The following ATP6V1G1 variants were observed in gnomAD, a reference collection of about 807,000 sequenced individuals.
ATP6V1G1 encodes ATPase H+ transporting V1 subunit G1.
In ATP6V1G1, 14 loss-of-function variants were observed where a neutral mutation model predicts 14.2. The observed-to-expected ratio is 0.99, with a 90% CI of 0.65 to 1.55. The LOEUF is 1.55. Among genes scored for constraint, ATP6V1G1 ranks in the 40% most tolerant of loss-of-function variants. The probability of loss-of-function intolerance (pLI) is 0.00; values close to 1 mark genes in which losing one functional copy is unlikely to be tolerated. For missense variants in ATP6V1G1, 137 were observed against 146.4 expected (o/e 0.94, Z 0.33); for synonymous variants, 65 against 53.3 (o/e 1.22, Z -0.96).
intron 2 of ATP6V1G1, among the ~76,000 whole-genome samples, chr9:114,593,722 C>T (rs967359567): frequency 6.6e-6 from 1 of 151,884 alleles, no homozygotes; most frequent in Non-Finnish European, 1.5e-5. Flanking sequence ...TGGTCTCGAA[C>T]TCCTGGCCTC....
intron 2 of ATP6V1G1, among the ~76,000 whole-genome samples, chr9:114,594,322 G>A (rs1845213312): frequency 1.3e-5 from 2 of 151,646 alleles, no homozygotes; most frequent in South Asian, 2.1e-4. Context: ...GCCTGCCCCG[G>A]CCTCCCAGAG....
intron 2 of ATP6V1G1, among the ~76,000 whole-genome samples, chr9:114,594,359 G>A (rs1432004228): frequency 2.0e-5 from 3 of 149,754 alleles, no homozygotes; most frequent in Non-Finnish European, 3.0e-5. Flanking sequence ...GTGAGCCACC[G>A]CGCCCAGCGC....
intron 1 of ATP6V1G1, chr9:114,588,221 T>G (rs1397596156): frequency 2.5e-6 from 1 of 395,274 alleles, no homozygotes; most frequent in African/African-American, 2.1e-5. Context: ...TCTCTCCCAC[T>G]TAACCGCTCT....
intron 1 of ATP6V1G1, among the ~76,000 whole-genome samples, chr9:114,590,320 C>T (rs1205838627): frequency 6.8e-6 from 1 of 148,092 alleles, no homozygotes; most frequent in Admixed American, 6.8e-5. Flanking sequence ...AGTGCAGTGG[C>T]ACCATCTTGG....
chr9:114,592,710 G>A, intron 2 of ATP6V1G1, 58 bp downstream of exon 2: 2 of 1,519,986 alleles, frequency 1.3e-6, no homozygotes, highest in Non-Finnish European at 8.9e-7. Context: ...TCCCGCCAAG[G>A]CTTTCAGAAT....
At position 114,597,680 on chromosome 9, in the gene ATP6V1G1, C is replaced by T; in HGVS notation, c.294C>T (p.Asn98=). The T allele has an allele frequency of 6.3e-7, 1 of 1,594,226 alleles. No individual in the cohort carries two copies. Among genetic ancestry groups the T allele is most frequent in the Non-Finnish European group, 8.5e-7 (1 of 1,172,668 alleles). The change falls in exon 3 of 3, where the codon AAC becomes AAT. Residue 98 remains asparagine, a synonymous_variant. Coordinates refer to ENST00000374050, the MANE Select transcript of ATP6V1G1 (RefSeq NM_004888.4). ...FRQNRDEVLD[N]LLAFVCDIRP... ...AGAACAGGGATGAAGTCTTGGACAA[C>T]CTCTTGGCTTTTGTCTGTGACATTC...
intron 1 of ATP6V1G1, among the ~76,000 whole-genome samples, chr9:114,590,180 CAG>C (rs905249209): frequency 1.5e-5 from 2 of 129,936 alleles, no homozygotes; most frequent in Non-Finnish European, 3.2e-5. Flanking sequence ...GCCTTGGGGA[CAG>C]AGGGAGACGC....
At chr9:114,591,630 C>T (rs1465149174) in intron 1 of ATP6V1G1, among the ~76,000 whole-genome samples, 1 of 152,168 alleles carries the variant, frequency 6.6e-6, no homozygotes, top group African/African-American at 2.4e-5. Flanking sequence ...CATTTCATTA[C>T]AGGTCCAAAG....
At chr9:114,594,379 CTTT>C (rs770844786) in intron 2 of ATP6V1G1, among the ~76,000 whole-genome samples, 4 of 140,766 alleles carry the variant, frequency 2.8e-5, no homozygotes, top group African/African-American at 2.6e-5. Flanking sequence ...CCCCCCGCCC[CTTT>C]TTTTTTTTTT....
rs758062356 is a variant in ATP6V1G1 at position 114,597,614 on chromosome 9, G to T, written c.228G>T (p.Glu76Asp). The T allele has an allele frequency of 1.3e-6, 2 of 1,567,258 alleles. No individual in the cohort carries two copies. The highest frequency in any genetic ancestry group is 1.7e-6 in the Non-Finnish European group (2 of 1,158,620). Reference protein sequence around the residue: ...RGSCSTEVEKETQEKMTILQT... With the variant: ...RGSCSTEVEKDTQEKMTILQT... ...GTTGCAGCACTGAAGTGGAGAAGGA[G>T]ACCCAGGAGAAGATGACCATCCTCC... The change falls in exon 3 of 3, where the codon GAG (glutamate) becomes GAT (aspartate). Residue 76 changes from glutamate (E) to aspartate (D), a missense_variant. By Grantham distance (45) the Glu-to-Asp change is conservative. Transcript: ENST00000374050.
Position 114,587,853 on chromosome 9 carries a change from T to G in ATP6V1G1, c.15T>G (p.Ser5=). The G allele has an allele frequency of 6.3e-7, 1 of 1,593,270 alleles. No homozygotes were observed. The highest frequency in any genetic ancestry group is 8.5e-7 in the Non-Finnish European group (1 of 1,170,420). ...TCGCTGCCGCCATGGCTAGTCAGTC[T>G]CAGGGGATTCAGCAGCTGCTGCAGG... MASQ[S]QGIQQLLQAE... is the part of the protein sequence containing the mutation. Residue 5 remains serine, a synonymous_variant, in exon 1 of 3, where the codon TCT becomes TCG. Coordinates refer to ENST00000374050, the MANE Select transcript of ATP6V1G1 (RefSeq NM_004888.4).
intron 1 of ATP6V1G1, among the ~76,000 whole-genome samples, chr9:114,591,377 G>C (rs1261735673): frequency 6.6e-6 from 1 of 152,144 alleles, no homozygotes; most frequent in Non-Finnish European, 1.5e-5. Flanking sequence ...TAATGTTCAG[G>C]CCATGAGTGT....
At chr9:114,589,132 C>T (rs187828079) in intron 1 of ATP6V1G1, among the ~76,000 whole-genome samples, 2 of 152,314 alleles carry the variant, frequency 1.3e-5, no homozygotes, top group East Asian at 3.9e-4. Flanking sequence ...CACTTCTTCC[C>T]GGGAAGCCTT....
At chr9:114,592,360 C>G (rs971019315) in intron 1 of ATP6V1G1, among the ~76,000 whole-genome samples, 192 bp from the exon 2 acceptor site, 1 of 152,088 alleles carries the variant, frequency 6.6e-6, no homozygotes, top group African/African-American at 2.4e-5. Flanking sequence ...TTGTCACTTC[C>G]TAGTTAAGTA....
Position 114,598,687 on chromosome 9 carries a change from G to A in ATP6V1G1, c.*944G>A, listed in dbSNP as rs1449019396. On this transcript the variant is annotated 3_prime_UTR_variant, in exon 3 of 3. Coordinates refer to ENST00000374050, the MANE Select transcript of ATP6V1G1 (RefSeq NM_004888.4). The stretch of plus-strand genomic sequence containing the variant: ...TATTAAGCATATTTCCTTCCTGGTG[G>A]GCTAGATGATGTGCATTATACCTGT... Among the ~76,000 whole-genome samples the A allele has an allele frequency of 6.6e-6, 1 of 152,058 alleles. No individual in the cohort carries two copies. The highest frequency in any genetic ancestry group is 1.5e-5 in the Non-Finnish European group (1 of 68,030).
At chr9:114,595,585 T>G (rs1333744355) in intron 2 of ATP6V1G1, among the ~76,000 whole-genome samples, 5 of 151,960 alleles carry the variant, frequency 3.3e-5, no homozygotes, top group Non-Finnish European at 1.5e-5. Context: ...GCCCAGGAGG[T>G]GGAGATTGCA....
At chr9:114,594,471 C>T (rs1361852804) in intron 2 of ATP6V1G1, among the ~76,000 whole-genome samples, 2 of 152,002 alleles carry the variant, frequency 1.3e-5, no homozygotes, top group East Asian at 3.9e-4. Flanking sequence ...ACGACCTCCA[C>T]CTCCCAGGTT....
At chr9:114,590,090 T>C (rs1845167450) in intron 1 of ATP6V1G1, among the ~76,000 whole-genome samples, 1 of 150,006 alleles carries the variant, frequency 6.7e-6, no homozygotes, top group African/African-American at 2.5e-5. Context: ...CCCAGCTACT[T>C]GGGAGGCTGA....
In ATP6V1G1 at chr9:114,598,079, A is replaced by G. The variant is rs770712614; in HGVS notation, c.*336A>G. 1.3e-4 allele frequency: 20 copies of G among 158,598 alleles called. No homozygotes were observed. Among genetic ancestry groups the G allele is most frequent in the Admixed American group, 3.9e-4 (6 of 15,400 alleles). 9.8% of individuals were successfully genotyped at this position (158,598 alleles called of 1,614,324 possible). A position where few individuals can be genotyped will look rare whatever the true frequency, so the allele number is the denominator to read the frequency against. On this transcript the variant is annotated 3_prime_UTR_variant, in exon 3 of 3. Coordinates refer to ENST00000374050, the MANE Select transcript of ATP6V1G1 (RefSeq NM_004888.4). ...TTAAAAAAAAAAAAAACCACATAAC[A>G]ATTCTTTGAAGAAAGGAAGGGATTA...
Sources: allele counts gnomAD v4.1 joint callset (sites outside exome capture counted in the v4.1 genomes callset), GRCh38; gene constraint gnomAD v4.1.1; transcripts MANE v1.5; gene names NCBI Gene and HGNC (gene_info 2026-07-23, HGNC 2026-07-21).